The following PPP1R9A variants were observed in gnomAD, a reference collection of about 807,000 sequenced individuals.
The protein encoded by PPP1R9A is neurabin-1.
Under a neutral mutation model 141.9 loss-of-function variants are expected in PPP1R9A, and 59 were observed. The ratio of observed to expected loss-of-function variants is 0.42; its 90% CI spans 0.34 to 0.52. The LOEUF is 0.52. Among genes scored for constraint, PPP1R9A ranks in the 20% least tolerant of loss-of-function variants. The probability of loss-of-function intolerance (pLI) is 0.10; values close to 1 mark genes in which losing one functional copy is unlikely to be tolerated. For synonymous variants in PPP1R9A, 500 were observed against 569.7 expected (o/e 0.88, Z 1.74); for missense variants, 1,444 against 1,611.9 (o/e 0.90, Z 1.78).
intron 2 of PPP1R9A, among the ~76,000 whole-genome samples, chr7:95,008,249 C>T (rs1173773160): frequency 6.6e-6 from 1 of 152,114 alleles, no homozygotes; most frequent in Non-Finnish European, 1.5e-5. Flanking sequence ...TACTCTTCTA[C>T]TCCATTTTAA....
chr7:95,286,054 T>C (rs1021254369), intron 17 of PPP1R9A, 152 bp from the exon 18 acceptor site: 8 of 1,289,296 alleles, frequency 6.2e-6, no homozygotes, highest in Admixed American at 2.7e-5. Flanking sequence ...GGTGCAGCAT[T>C]CTCAACCGCT....
chr7:95,114,891 CAAAAAAA>C (rs200443706), intron 3 of PPP1R9A, among the ~76,000 whole-genome samples: 1 of 112,394 alleles, frequency 8.9e-6, no homozygotes, highest in Non-Finnish European at 1.9e-5. Context: ...AAGTCCGTCT[CAAAAAAA>C]AAAAAAAAAA....
intron 4 of PPP1R9A, among the ~76,000 whole-genome samples, chr7:95,144,476 C>T (rs898013446): frequency 2.0e-5 from 3 of 152,008 alleles, no homozygotes; most frequent in South Asian, 2.1e-4. Flanking sequence ...ACTGATTCCA[C>T]ATAGTGATTT....
intron 5 of PPP1R9A, among the ~76,000 whole-genome samples, chr7:95,170,590 A>T (rs547671627): frequency 6.6e-6 from 1 of 151,654 alleles, no homozygotes; most frequent in South Asian, 2.1e-4. Context: ...ATAATAATTT[A>T]AAAGTTTTGA....
At chr7:95,189,352 C>T (rs904721141) in intron 5 of PPP1R9A, among the ~76,000 whole-genome samples, 55 of 151,690 alleles carry the variant, frequency 3.6e-4, no homozygotes, top group African/African-American at 1.3e-3. Context: ...TATTTGGATC[C>T]TCTTCCTCCT....
intron 4 of PPP1R9A, among the ~76,000 whole-genome samples, chr7:95,136,216 A>G (rs945606119): frequency 2.0e-5 from 3 of 152,192 alleles, no homozygotes; most frequent in Admixed American, 6.5e-5. Flanking sequence ...GGTAGTCTAG[A>G]ATCAACTTAT....
intron 2 of PPP1R9A, among the ~76,000 whole-genome samples, chr7:95,017,835 T>A (rs889059489): frequency 6.6e-6 from 1 of 152,172 alleles, no homozygotes; most frequent in African/African-American, 2.4e-5. Context: ...TAAGACAAAT[T>A]CTTGTGGTTC....
chr7:95,204,870 C>G lies in PPP1R9A; in HGVS notation c.1956+1140C>G, dbSNP rs549239275. On this transcript the variant is annotated intron_variant, in intron 7 of 19. Coordinates refer to ENST00000433360, the MANE Select transcript of PPP1R9A (RefSeq NM_001166160.2). ...ACACACACCACACACACGACAAACA[C>G]CACCCTCACACACCACACACACCAC... Among the ~76,000 whole-genome samples the G allele has an allele frequency of 4.1e-5, 6 of 146,762 alleles. No individual in the cohort carries two copies. In the East Asian group the frequency reaches 1.2e-3, roughly 30 times the overall value.
chr7:94,959,747 C>T (rs925104500), intron 2 of PPP1R9A, among the ~76,000 whole-genome samples: 2 of 151,612 alleles, frequency 1.3e-5, no homozygotes, highest in Non-Finnish European at 3.0e-5. Context: ...TCCTGTCACT[C>T]TAATAGGTCA....
intron 5 of PPP1R9A, among the ~76,000 whole-genome samples, chr7:95,197,122 G>A (rs2152852633): frequency 6.6e-6 from 1 of 151,944 alleles, no homozygotes; most frequent in East Asian, 1.9e-4. Flanking sequence ...GAAAAATTGT[G>A]GTATATTTCA....
chr7:95,095,692 C>T (rs1242979200), intron 2 of PPP1R9A, among the ~76,000 whole-genome samples: 1 of 152,164 alleles, frequency 6.6e-6, no homozygotes, highest in Non-Finnish European at 1.5e-5. Context: ...GTCTTTCCTG[C>T]TTTTTCAGGG....
chr7:94,935,021 A>C (rs1224198566), intron 2 of PPP1R9A, among the ~76,000 whole-genome samples: 1 of 152,136 alleles, frequency 6.6e-6, no homozygotes, highest in African/African-American at 2.4e-5. Context: ...CACTGCACCC[A>C]GCTTATAATT....
At chr7:95,018,727 A>G (rs1016431005) in intron 2 of PPP1R9A, among the ~76,000 whole-genome samples, 5 of 152,044 alleles carry the variant, frequency 3.3e-5, no homozygotes, top group African/African-American at 4.8e-5. Context: ...CCTTCATCTG[A>G]CCTTGCTTCT....
rs1295771590 is a variant in PPP1R9A at position 95,178,703 on chromosome 7, T to C, written c.1754+16732T>C. On this transcript the variant is annotated intron_variant, in intron 5 of 19. Coordinates refer to ENST00000433360, the MANE Select transcript of PPP1R9A (RefSeq NM_001166160.2). ...GAAACAAAACGGGAGCTATTATAAC[T>C]GACACCACAGAAATACAAAAGATCA... is the stretch of plus-strand genomic sequence containing the variant. 5.3e-5 allele frequency among the ~76,000 whole-genome samples: 8 copies of C among 152,086 alleles called. 1 individual carries two copies. The highest frequency in any genetic ancestry group is 5.2e-4 in the Admixed American group (8 of 15,258).
At chr7:95,126,702 A>T (rs1175564544) in intron 4 of PPP1R9A, among the ~76,000 whole-genome samples, 2 of 152,092 alleles carry the variant, frequency 1.3e-5, no homozygotes, top group East Asian at 3.9e-4. Flanking sequence ...AACCACTGAG[A>T]GTCTTCCCTT....
intron 2 of PPP1R9A, among the ~76,000 whole-genome samples, chr7:94,952,609 C>T (rs979311358): frequency 3.9e-5 from 6 of 152,198 alleles, no homozygotes; most frequent in African/African-American, 1.2e-4. Context: ...ACATCCTCTC[C>T]AGCATCTGTT....
chr7:95,074,602 A>AT (rs1473296539), intron 2 of PPP1R9A, among the ~76,000 whole-genome samples: 1 of 151,604 alleles, frequency 6.6e-6, no homozygotes, highest in East Asian at 1.9e-4. Context: ...AGCCTCCCGA[A>AT]TAGGTGGGAT....
chr7:95,187,069 A>C (rs1834762338), intron 5 of PPP1R9A, among the ~76,000 whole-genome samples: 1 of 152,148 alleles, frequency 6.6e-6, no homozygotes, highest in African/African-American at 2.4e-5. Flanking sequence ...CTTTTGGACT[A>C]GTTTCAGAAA....
chr7:95,194,275 T>C (rs1411619652), intron 5 of PPP1R9A, among the ~76,000 whole-genome samples: 1 of 152,092 alleles, frequency 6.6e-6, no homozygotes, highest in Non-Finnish European at 1.5e-5. Context: ...TGTCTATGGA[T>C]TCTTTAAGCA....
Sources: gnomAD v4.1 joint callset for allele counts (sites outside exome capture counted in the v4.1 genomes callset) on GRCh38, gnomAD v4.1.1 for gene constraint, MANE v1.5 for transcripts, NCBI Gene and HGNC (gene_info 2026-07-23, HGNC 2026-07-21) for gene names.